Variants in RASAL2 observed in about 807,000 individuals in gnomAD.
The protein encoded by RASAL2 is ras GTPase-activating protein nGAP.
Under a neutral mutation model 128.9 loss-of-function variants are expected in RASAL2, and 58 were observed. The observed-to-expected ratio is 0.45, with a 90% CI of 0.36 to 0.56. The LOEUF (loss-of-function observed/expected upper bound fraction) is 0.56. RASAL2 is among the 20% of genes least tolerant of loss of function. RASAL2 has a pLI of 0.00. For synonymous variants in RASAL2, 561 were observed against 580.8 expected (o/e 0.97, Z 0.49); for missense variants, 1,360 against 1,601.6 (o/e 0.85, Z 2.57).
chr1:178,467,475 C>T (rs1324665614), intron 17 of RASAL2, 54 bp downstream of exon 17: 22 of 1,474,772 alleles, frequency 1.5e-5, no homozygotes, highest in African/African-American at 9.7e-5. Context: ...ACGATTATTT[C>T]CTGACTTCAC....
At chr1:178,286,628 T>C (rs1667039601) in intron 2 of RASAL2, among the ~76,000 whole-genome samples, 1 of 152,172 alleles carries the variant, frequency 6.6e-6, no homozygotes, top group Non-Finnish European at 1.5e-5. Context: ...GCCAGGCTGG[T>C]CTCGAACTCC....
At chr1:178,273,869 A>G (rs1467630047) in intron 1 of RASAL2, among the ~76,000 whole-genome samples, 4 of 152,204 alleles carry the variant, frequency 2.6e-5, no homozygotes, top group Non-Finnish European at 5.9e-5. Flanking sequence ...GGTTTTTCAT[A>G]AAAAGAAAGG....
chr1:178,378,645 C>G (rs1400957440), intron 3 of RASAL2, among the ~76,000 whole-genome samples: 1 of 151,998 alleles, frequency 6.6e-6, no homozygotes, highest in Non-Finnish European at 1.5e-5. Context: ...CTGTAAAAAC[C>G]TTTATTTTTG....
chr1:178,383,446 C>T (rs1296763119), intron 3 of RASAL2, among the ~76,000 whole-genome samples: 4 of 152,110 alleles, frequency 2.6e-5, no homozygotes. Context: ...GTGTTAGCAG[C>T]CGTATAAATG....
chr1:178,431,107 C>T (rs1006829582), intron 5 of RASAL2, among the ~76,000 whole-genome samples: 1 of 151,916 alleles, frequency 6.6e-6, no homozygotes, highest in South Asian at 2.1e-4. Flanking sequence ...AACTTAAAAG[C>T]ACTAAAAGAA....
intron 1 of RASAL2, among the ~76,000 whole-genome samples, chr1:178,190,445 A>G (rs577676375): frequency 1.8e-4 from 27 of 152,274 alleles, no homozygotes; most frequent in Non-Finnish European, 3.1e-4. Context: ...TTAACTGAAT[A>G]TGTTCATTAA....
chr1:178,110,198 C>T (rs950193081), intron 1 of RASAL2, among the ~76,000 whole-genome samples: 1 of 152,092 alleles, frequency 6.6e-6, no homozygotes, highest in African/African-American at 2.4e-5. Flanking sequence ...TCCCCCCTTT[C>T]CCCAGCCTAA....
chr1:178,447,063 C>G (rs1296550131), intron 9 of RASAL2, among the ~76,000 whole-genome samples: 3 of 152,144 alleles, frequency 2.0e-5, no homozygotes, highest in Admixed American at 6.5e-5. Flanking sequence ...GTGAAAACCT[C>G]AAATGCCTGG....
chr1:178,125,720 TTAG>T (rs1363313688), intron 1 of RASAL2, among the ~76,000 whole-genome samples: 2 of 143,450 alleles, frequency 1.4e-5, no homozygotes, highest in East Asian at 4.6e-4. Flanking sequence ...AATAATTTGT[TTAG>T]TTAGTTATTT....
chr1:178,412,954 CTCTT>C (rs1379218867), intron 4 of RASAL2, among the ~76,000 whole-genome samples: 1 of 152,000 alleles, frequency 6.6e-6, no homozygotes, highest in Non-Finnish European at 1.5e-5. Context: ...AGCTTTCTTT[CTCTT>C]TCTTTTTCTT....
At chr1:178,433,917 C>CA (rs961906192) in intron 5 of RASAL2, among the ~76,000 whole-genome samples, 90 of 140,790 alleles carry the variant, frequency 6.4e-4, no homozygotes, top group Middle Eastern at 3.6e-3. Flanking sequence ...AACTATGTCT[C>CA]AAAAAAAAAA....
chr1:178,424,793 G>A (rs1675414036), intron 5 of RASAL2, among the ~76,000 whole-genome samples: 1 of 152,110 alleles, frequency 6.6e-6, no homozygotes. Context: ...TTATTCTCAG[G>A]AGGTCTGAGT....
chr1:178,372,624 C>A (rs1486569801), intron 3 of RASAL2, among the ~76,000 whole-genome samples: 1 of 152,102 alleles, frequency 6.6e-6, no homozygotes, highest in Non-Finnish European at 1.5e-5. Flanking sequence ...CTTCTGCCAA[C>A]CAAAATAATA....
chr1:178,220,547 G>T (rs1327998470), intron 1 of RASAL2, among the ~76,000 whole-genome samples: 1 of 152,202 alleles, frequency 6.6e-6, no homozygotes, highest in Non-Finnish European at 1.5e-5. Context: ...AGCACATGCT[G>T]CTGGAAGAAT....
chr1:178,373,836 T>C (rs1273737266), intron 3 of RASAL2, among the ~76,000 whole-genome samples: 1 of 152,010 alleles, frequency 6.6e-6, no homozygotes, highest in African/African-American at 2.4e-5. Context: ...GATGGATAAA[T>C]GGAGGTAATA....
intron 4 of RASAL2, among the ~76,000 whole-genome samples, chr1:178,391,493 C>T (rs951021221): frequency 1.3e-5 from 2 of 152,038 alleles, no homozygotes; most frequent in Non-Finnish European, 2.9e-5. Flanking sequence ...TAAATGAGTA[C>T]TTGGATATCT....
At chr1:178,358,972 A>T (rs1306686768) in intron 3 of RASAL2, among the ~76,000 whole-genome samples, 1 of 152,248 alleles carries the variant, frequency 6.6e-6, no homozygotes, top group East Asian at 1.9e-4. Context: ...TGTAAAAATT[A>T]TACAGTAGTC....
chr1:178,412,962 TTTTC>T lies in RASAL2; in HGVS notation c.565-7529_565-7526del, dbSNP rs557060349. 8.5e-3 allele frequency among the ~76,000 whole-genome samples: 1,298 copies of T among 151,966 alleles called. 19 individuals carry two copies. Among genetic ancestry groups the T allele is most frequent in the African/African-American group, 0.02 (822 of 41,474 alleles). Reference sequence around the variant, plus strand: ...GCATCAGAGCTTTCTTTCTCTTTCTTTTTCTTTCTTTCTTTCTTTCTTTTTCTTT... The same window carrying T: ...GCATCAGAGCTTTCTTTCTCTTTCTTTTTCTTTCTTTCTTTCTTTTTCTTT... On this transcript the variant is annotated intron_variant, in intron 4 of 17. Transcript: ENST00000367649.
chr1:178,116,814 G>T (rs1361964527), intron 1 of RASAL2, among the ~76,000 whole-genome samples: 1 of 152,044 alleles, frequency 6.6e-6, no homozygotes, highest in African/African-American at 2.4e-5. Context: ...GTTTCACCGT[G>T]TTAGCCAGGA....
Sources: allele counts gnomAD v4.1 joint callset (sites outside exome capture counted in the v4.1 genomes callset), GRCh38; gene constraint gnomAD v4.1.1; transcripts MANE v1.5; gene names NCBI Gene and HGNC (gene_info 2026-07-23, HGNC 2026-07-21).